RAD51B: variants seen among roughly 807,000 people sequenced by gnomAD.
The protein encoded by RAD51B is RAD51 paralog B.
RAD51B carries 38 observed loss-of-function variants against 42.2 expected under a neutral mutation model. The observed-to-expected ratio is 0.90, with a 90% CI of 0.70 to 1.18. The LOEUF is 1.18. Ranked by LOEUF, RAD51B falls within the 50% of genes most tolerant of loss-of-function variation. The probability of loss-of-function intolerance (pLI) is 0.00; values close to 1 mark genes in which losing one functional copy is unlikely to be tolerated. For synonymous variants in RAD51B, 154 were observed against 145.2 expected, an observed-to-expected ratio of 1.06 and a Z score of -0.43; for missense variants, 373 against 400.7, an observed-to-expected ratio of 0.93 and a Z score of 0.59.
At chr14:68,296,470 C>A (rs140287111) in intron 8 of RAD51B, among the ~76,000 whole-genome samples, 1 of 152,278 alleles carries the variant, frequency 6.6e-6, no homozygotes, top group East Asian at 1.9e-4. Context: ...ATTGGAGATA[C>A]TAAGAACTGT....
intron 7 of RAD51B, among the ~76,000 whole-genome samples, chr14:68,252,545 T>C (rs1261015847): frequency 6.6e-6 from 1 of 152,222 alleles, no homozygotes; most frequent in East Asian, 1.9e-4. Flanking sequence ...TGGAGAAACA[T>C]ACATGGTATT....
intron 7 of RAD51B, among the ~76,000 whole-genome samples, chr14:67,957,083 C>G (rs1232031006): frequency 6.6e-6 from 1 of 152,146 alleles, no homozygotes; most frequent in Non-Finnish European, 1.5e-5. Context: ...GACATCAAGT[C>G]AGTGAATGGG....
At chr14:67,932,811 A>C (rs1388411235) in intron 7 of RAD51B, among the ~76,000 whole-genome samples, 2 of 152,088 alleles carry the variant, frequency 1.3e-5, no homozygotes, top group Non-Finnish European at 2.9e-5. Flanking sequence ...CCCCATGTTC[A>C]CGTATGAGTC....
intron 7 of RAD51B, among the ~76,000 whole-genome samples, chr14:67,974,142 T>C (rs559959304): frequency 6.6e-6 from 1 of 152,188 alleles, no homozygotes; most frequent in South Asian, 2.1e-4. Context: ...TAAGATTGAA[T>C]ATTAAATACA....
At chr14:68,676,880 G>A (rs1324784991) in intron 11 of RAD51B, among the ~76,000 whole-genome samples, 3 of 152,236 alleles carry the variant, frequency 2.0e-5, no homozygotes, top group Admixed American at 6.5e-5. Flanking sequence ...GCCAGCGTGA[G>A]GTCAGGATTA....
At chr14:67,867,054 T>G (rs1483900123) in intron 5 of RAD51B, among the ~76,000 whole-genome samples, 1 of 152,214 alleles carries the variant, frequency 6.6e-6, no homozygotes, top group Non-Finnish European at 1.5e-5. Flanking sequence ...GAATGGATTT[T>G]GAGGTCTGGT....
At chr14:67,939,881 T>C (rs2045099979) in intron 7 of RAD51B, among the ~76,000 whole-genome samples, 1 of 150,806 alleles carries the variant, frequency 6.6e-6, no homozygotes, top group Non-Finnish European at 1.5e-5. Context: ...ATTTAGTCCA[T>C]AGCAGATTGG....
intron 7 of RAD51B, among the ~76,000 whole-genome samples, chr14:68,147,228 T>C (rs2078270490): frequency 1.3e-5 from 2 of 152,216 alleles, no homozygotes; most frequent in Admixed American, 1.3e-4. Flanking sequence ...ACACTGGGAC[T>C]ATGTGTTTCT....
At chr14:68,287,933 A>AT (rs1403500765) in intron 7 of RAD51B, among the ~76,000 whole-genome samples, 16 of 152,172 alleles carry the variant, frequency 1.1e-4, no homozygotes, top group Admixed American at 1.3e-4. Flanking sequence ...AGCTTGCTCC[A>AT]TGTCACACAG....
chr14:68,240,966 A>G (rs1362430971), intron 7 of RAD51B, among the ~76,000 whole-genome samples: 1 of 152,188 alleles, frequency 6.6e-6, no homozygotes, highest in East Asian at 1.9e-4. Flanking sequence ...AAGCAAAGCA[A>G]TTCTAGTGAG....
chr14:68,084,159 C>G (rs1344360407), intron 7 of RAD51B, among the ~76,000 whole-genome samples: 2 of 152,110 alleles, frequency 1.3e-5, no homozygotes, highest in Non-Finnish European at 2.9e-5. Flanking sequence ...AGTTGGAACA[C>G]TAAGGCATTA....
At chr14:68,157,709 A>G (rs1341598281) in intron 7 of RAD51B, among the ~76,000 whole-genome samples, 1 of 152,238 alleles carries the variant, frequency 6.6e-6, no homozygotes, top group Admixed American at 6.5e-5. Context: ...GAATAAAAAC[A>G]ATAATAATGG....
chr14:68,162,811 A>C (rs576900757), intron 7 of RAD51B, among the ~76,000 whole-genome samples: 21 of 152,124 alleles, frequency 1.4e-4, no homozygotes, highest in Admixed American at 1.4e-3. Context: ...CAAAACAAAC[A>C]AACAAACAAA....
chr14:67,919,586 A>C (rs558638612), intron 7 of RAD51B, among the ~76,000 whole-genome samples: 17 of 152,258 alleles, frequency 1.1e-4, no homozygotes, highest in African/African-American at 3.9e-4. Context: ...TCACTTCTCT[A>C]AAATTTATTG....
intron 8 of RAD51B, among the ~76,000 whole-genome samples, chr14:68,369,926 T>C (rs1333764161): frequency 6.6e-6 from 1 of 152,204 alleles, no homozygotes; most frequent in East Asian, 1.9e-4. Context: ...TCACAGGATA[T>C]GGAAATGGCC....
chr14:68,240,526 A>G (rs1489132112), intron 7 of RAD51B, among the ~76,000 whole-genome samples: 1 of 152,228 alleles, frequency 6.6e-6, no homozygotes, highest in Admixed American at 6.5e-5. Context: ...CTGGCTCAGG[A>G]ACTTGCTTTT....
chr14:68,506,746 G>A (rs910835979), intron 10 of RAD51B, among the ~76,000 whole-genome samples: 4 of 152,178 alleles, frequency 2.6e-5, no homozygotes, highest in Non-Finnish European at 5.9e-5. Flanking sequence ...CTGGCTGTGT[G>A]CCCGTGTATG....
intron 7 of RAD51B, among the ~76,000 whole-genome samples, chr14:68,116,165 T>A (rs1478785899): frequency 2.0e-5 from 3 of 152,056 alleles, no homozygotes; most frequent in Non-Finnish European, 4.4e-5. Context: ...TGTATTTGAC[T>A]GGTGGAAATT....
chr14:68,608,911 G>C (rs1161670413), intron 10 of RAD51B, among the ~76,000 whole-genome samples: 1 of 152,128 alleles, frequency 6.6e-6, no homozygotes, highest in Non-Finnish European at 1.5e-5. Flanking sequence ...TCTCCATGCT[G>C]TGGCCCCTCC....
Sources: gnomAD v4.1 joint callset for allele counts (sites outside exome capture counted in the v4.1 genomes callset) on GRCh38, gnomAD v4.1.1 for gene constraint, MANE v1.5 for transcripts, NCBI Gene and HGNC (gene_info 2026-07-23, HGNC 2026-07-21) for gene names.